SCARB2: variants seen among roughly 807,000 people sequenced by gnomAD.
The protein encoded by SCARB2 is scavenger receptor class B member 2.
SCARB2 carries 29 observed loss-of-function variants against 58.6 expected under a neutral mutation model. The ratio of observed to expected loss-of-function variants is 0.49; its 90% CI spans 0.37 to 0.67. SCARB2 has a LOEUF of 0.67. SCARB2 is among the 30% of genes least tolerant of loss of function. The probability of loss-of-function intolerance (pLI) is 0.00; values close to 1 mark genes in which losing one functional copy is unlikely to be tolerated. For synonymous variants in SCARB2, 195 were observed against 210.1 expected (o/e 0.93, Z 0.62); for missense variants, 488 against 578.5 (o/e 0.84, Z 1.60).
chr4:76,227,548 C>A (rs768251356), intron 1 of SCARB2, among the ~76,000 whole-genome samples: 3 of 152,000 alleles, frequency 2.0e-5, no homozygotes, highest in African/African-American at 4.8e-5. Context: ...AAATATCTAT[C>A]TGGGGTATAG....
intron 2 of SCARB2, among the ~76,000 whole-genome samples, chr4:76,185,348 CA>C (rs1732464385): frequency 6.6e-6 from 1 of 152,118 alleles, no homozygotes; most frequent in Non-Finnish European, 1.5e-5. Context: ...TTTGAAAAAA[CA>C]AAACAAAAAC....
chr4:76,214,067 C>T (rs542421309), upstream of SCARB2: 20 of 348,066 alleles, frequency 5.7e-5, no homozygotes, highest in South Asian at 3.6e-4. Flanking sequence ...GCCCAGCGCT[C>T]GCCCCACCGA....
chr4:76,190,410 A>G (rs187254352), intron 2 of SCARB2, among the ~76,000 whole-genome samples: 2 of 152,292 alleles, frequency 1.3e-5, no homozygotes, highest in African/African-American at 4.8e-5. Flanking sequence ...GAAGGTCAAG[A>G]GAGGTAGCGC....
intron 1 of SCARB2, among the ~76,000 whole-genome samples, chr4:76,200,094 C>T (rs779894748): frequency 2.6e-5 from 4 of 152,214 alleles, no homozygotes; most frequent in Non-Finnish European, 4.4e-5. Flanking sequence ...CCAGATACAA[C>T]GAGCTAGTGT....
At chr4:76,216,473 C>T (rs1733210161), upstream of SCARB2, among the ~76,000 whole-genome samples, 2 of 152,210 alleles carry the variant, frequency 1.3e-5, no homozygotes, top group Non-Finnish European at 2.9e-5. Flanking sequence ...CCCACTCCTC[C>T]CATCCCTGGA....
chr4:76,173,161 C>T (rs1157118379), intron 7 of SCARB2: 1 of 152,146 alleles, frequency 6.6e-6, no homozygotes, highest in African/African-American at 2.4e-5. Flanking sequence ...TCAGTTGTGC[C>T]ACTGATAATT....
chr4:76,225,917 G>A (rs1733389987), intron 1 of SCARB2, among the ~76,000 whole-genome samples: 1 of 152,264 alleles, frequency 6.6e-6, no homozygotes, highest in Non-Finnish European at 1.5e-5. Context: ...ATGATTTAGG[G>A]AGGATTTCCT....
intron 1 of SCARB2, among the ~76,000 whole-genome samples, chr4:76,208,978 G>A (rs1389154419): frequency 1.3e-5 from 2 of 152,204 alleles, no homozygotes; most frequent in East Asian, 3.9e-4. Flanking sequence ...TGGGATGTAT[G>A]GTCATCCTTG....
chr4:76,233,204 G>A (rs1032567774), intron 1 of SCARB2, among the ~76,000 whole-genome samples: 1 of 152,156 alleles, frequency 6.6e-6, no homozygotes, highest in Non-Finnish European at 1.5e-5. Context: ...AACCTGGTAA[G>A]TTGTTCTAAT....
intron 1 of SCARB2, among the ~76,000 whole-genome samples, chr4:76,207,430 T>C (rs148692534): frequency 6.6e-5 from 10 of 152,364 alleles, no homozygotes; most frequent in African/African-American, 2.4e-4. Context: ...GACTGCCTCT[T>C]GTTTAGTGTT....
At chr4:76,198,841 A>AGTGTGTGTGTGTGT (rs10545527) in intron 1 of SCARB2, among the ~76,000 whole-genome samples, 13 of 141,010 alleles carry the variant, frequency 9.2e-5, no homozygotes, top group Admixed American at 4.9e-4. Flanking sequence ...AGAGTGAGTG[A>AGTGTGTGTGTGTGT]GTGTGTGTGT....
At chr4:76,223,866 G>A (rs1014271405) in intron 1 of SCARB2, among the ~76,000 whole-genome samples, 2 of 152,096 alleles carry the variant, frequency 1.3e-5, no homozygotes, top group African/African-American at 4.8e-5. Flanking sequence ...AGTCTCCCTG[G>A]ACTATTGAAG....
In SCARB2 at chr4:76,163,353, G is replaced by A. The variant is rs886041078; in HGVS notation, c.1270C>T (p.Arg424Ter). Residue 424 changes from arginine (R) to a stop codon, truncating the protein, a stop_gained, in exon 11 of 12, where the codon CGA becomes TGA. Transcript: ENST00000264896. LOFTEE classifies it high-confidence loss of function. ...GTAGTGTTAATCATAGACTTCAGTC[G>A]ACTCGCCGTCTCTTTATCAATGTGA... Reference protein sequence around the residue: ...SVHIDKETASRLKSMINTTLI... With the variant: ...SVHIDKETAS 11 of 1,614,040 alleles carry A rather than the reference G, an allele frequency of 6.8e-6. No individual in the cohort carries two copies. The highest frequency in any genetic ancestry group is 9.3e-6 in the Non-Finnish European group (11 of 1,180,040).
chr4:76,219,571 C>T (rs1194054354), intron 1 of SCARB2, among the ~76,000 whole-genome samples: 1 of 151,994 alleles, frequency 6.6e-6, no homozygotes, highest in Non-Finnish European at 1.5e-5. Context: ...TGGGGAGAAG[C>T]TGTATAAACG....
At chr4:76,227,503 T>C (rs554904969) in intron 1 of SCARB2, among the ~76,000 whole-genome samples, 105 of 152,306 alleles carry the variant, frequency 6.9e-4, no homozygotes, top group African/African-American at 2.5e-3. Context: ...ATGACAAAAA[T>C]GAATATTCTG....
At chr4:76,185,150 G>C (rs936941751) in intron 2 of SCARB2, among the ~76,000 whole-genome samples, 1 of 152,122 alleles carries the variant, frequency 6.6e-6, no homozygotes, top group Non-Finnish European at 1.5e-5. Context: ...TCTCATTCAG[G>C]GTATTCCTTG....
At chr4:76,233,784 C>A (rs372675394) in intron 1 of SCARB2, among the ~76,000 whole-genome samples, 6 of 152,084 alleles carry the variant, frequency 3.9e-5, no homozygotes, top group African/African-American at 1.5e-4. Flanking sequence ...CAGGCAGTGC[C>A]CCCAATATGT....
At chr4:76,185,837 T>A (rs1032479255) in intron 2 of SCARB2, among the ~76,000 whole-genome samples, 13 of 152,142 alleles carry the variant, frequency 8.5e-5, no homozygotes, top group Non-Finnish European at 1.5e-4. Flanking sequence ...GCTGGTAGGG[T>A]TAACATTCAA....
At chr4:76,220,624 TAAAG>T (rs944241652) in intron 1 of SCARB2, among the ~76,000 whole-genome samples, 14 of 152,340 alleles carry the variant, frequency 9.2e-5, no homozygotes, top group African/African-American at 2.9e-4. Context: ...TCCTGTCTCT[TAAAG>T]AAAGAATGAA....
Sources: gnomAD v4.1 joint callset for allele counts (sites outside exome capture counted in the v4.1 genomes callset) on GRCh38, gnomAD v4.1.1 for gene constraint, MANE v1.5 for transcripts, NCBI Gene and HGNC (gene_info 2026-07-23, HGNC 2026-07-21) for gene names.